Variants in USP54 observed in about 807,000 individuals in gnomAD.
The protein encoded by USP54 is ubiquitin specific peptidase 54, also known as ubiquitin carboxyl-terminal hydrolase 54.
USP54 carries 87 observed loss-of-function variants against 170.5 expected under a neutral mutation model. The ratio of observed to expected loss-of-function variants is 0.51; its 90% CI spans 0.43 to 0.61. The LOEUF is 0.61. USP54 is among the 20% of genes least tolerant of loss of function. The probability of loss-of-function intolerance (pLI) is 0.00; values close to 1 mark genes in which losing one functional copy is unlikely to be tolerated. For synonymous variants in USP54, 655 were observed against 742.8 expected (o/e 0.88, Z 1.92); for missense variants, 1,786 against 2,047.8 (o/e 0.87, Z 2.47).
chr10:73,586,480 GTC>G (rs1564925450), intron 1 of USP54, among the ~76,000 whole-genome samples: 1 of 152,076 alleles, frequency 6.6e-6, no homozygotes, highest in East Asian at 1.9e-4. Flanking sequence ...ACTACATTTT[GTC>G]TTAAGGGCAT....
chr10:73,607,567 GCGC>G (rs2079772185), intron 1 of USP54, among the ~76,000 whole-genome samples: 1 of 148,566 alleles, frequency 6.7e-6, no homozygotes, highest in Non-Finnish European at 1.5e-5. Flanking sequence ...ACGGTGGCTC[GCGC>G]CTGTAATCCC....
rs147785894 is a variant in USP54 at position 73,527,863 on chromosome 10, C to T, written c.2061-1083G>A. Among the ~76,000 whole-genome samples the T allele has an allele frequency of 9.4e-5, 13 of 138,104 alleles. No homozygotes were observed. The East Asian group carries it at 2.7e-3, about 28-fold the overall frequency. The allele number at this position is 138,104 out of a possible 152,430, so 90.6% of individuals were successfully genotyped here. A position where few individuals can be genotyped will look rare whatever the true frequency, so the allele number is the denominator to read the frequency against. On this transcript the variant is annotated intron_variant, in intron 15 of 23. Coordinates refer to ENST00000687698, the MANE Select transcript of USP54 (RefSeq NM_001391956.1). ...AAAAAAAAAAAAAAAAAAAAAGCAA[C>T]GACAACAAAACACTGTCCCAAAATA...
At chr10:73,577,325 T>C (rs187420847) in intron 1 of USP54, among the ~76,000 whole-genome samples, 4 of 152,346 alleles carry the variant, frequency 2.6e-5, no homozygotes, top group Admixed American at 2.0e-4. Context: ...GTCTACAGCA[T>C]GTCCAATGGA....
At chr10:73,533,322 T>C (rs965455060) in intron 12 of USP54, among the ~76,000 whole-genome samples, 2 of 151,782 alleles carry the variant, frequency 1.3e-5, no homozygotes, top group Admixed American at 1.3e-4. Flanking sequence ...AAAGGTGTTA[T>C]AATGCTATGT....
intron 20 of USP54, among the ~76,000 whole-genome samples, chr10:73,513,903 C>T (rs1228892977): frequency 2.0e-5 from 3 of 152,128 alleles, no homozygotes; most frequent in African/African-American, 7.2e-5. Flanking sequence ...CAACCTCCAC[C>T]TCCTGGGTTC....
chr10:73,620,553 C>A lies in USP54; in HGVS notation c.-18+5014G>T, dbSNP rs909097474. ...GGCCAGGCTGGTCTTGAACTCCTGG[C>A]CTCAAGCAATCCTCCTGCCTTAGCC... is the stretch of plus-strand genomic sequence containing the variant. On this transcript the variant is annotated intron_variant, in intron 1 of 22. Transcript: ENST00000339859. Among the ~76,000 whole-genome samples the A allele has an allele frequency of 2.4e-4, 36 of 147,272 alleles. 3 individuals carry two copies. Among genetic ancestry groups the A allele is most frequent in the African/African-American group, 9.5e-4 (36 of 37,914 alleles).
At chr10:73,544,426 T>G (rs1299115604) in intron 5 of USP54, among the ~76,000 whole-genome samples, 1 of 152,212 alleles carries the variant, frequency 6.6e-6, no homozygotes, top group Non-Finnish European at 1.5e-5. Flanking sequence ...TTGTTTCCAG[T>G]TTTTTACTAT....
chr10:73,502,470 G>A (rs1301579686), intron 22 of USP54, among the ~76,000 whole-genome samples: 3 of 152,102 alleles, frequency 2.0e-5, no homozygotes, highest in Non-Finnish European at 2.9e-5. Flanking sequence ...CCGCCACCGC[G>A]CCCAGCTAAT....
intron 3 of USP54, among the ~76,000 whole-genome samples, chr10:73,574,571 G>A (rs1257591956): frequency 1.3e-5 from 2 of 151,976 alleles, no homozygotes; most frequent in Non-Finnish European, 2.9e-5. Context: ...GAGGCTAGGA[G>A]TTCAAGACCA....
chr10:73,515,074 T>C (rs1385600451), intron 20 of USP54, among the ~76,000 whole-genome samples: 1 of 151,862 alleles, frequency 6.6e-6, no homozygotes, highest in African/African-American at 2.4e-5. Flanking sequence ...AATCAAATCT[T>C]ATATTTATGT....
chr10:73,544,552 T>C (rs1420607512), intron 5 of USP54, among the ~76,000 whole-genome samples: 1 of 152,222 alleles, frequency 6.6e-6, no homozygotes, highest in Non-Finnish European at 1.5e-5. Flanking sequence ...AGTTTACATG[T>C]CTAGCTTTTT....
At chr10:73,577,040 T>C (rs545685366) in intron 1 of USP54, among the ~76,000 whole-genome samples, 23 of 152,342 alleles carry the variant, frequency 1.5e-4, no homozygotes, top group African/African-American at 5.5e-4. Context: ...TGACCAACTT[T>C]AGTTTTCAAC....
chr10:73,575,300 C>T (rs1391317567), intron 3 of USP54, among the ~76,000 whole-genome samples: 3 of 152,166 alleles, frequency 2.0e-5, no homozygotes, highest in Non-Finnish European at 4.4e-5. Flanking sequence ...TTTCTCTTAT[C>T]ATTATTAATC....
At chr10:73,610,058 A>G (rs1263718889) in intron 1 of USP54, among the ~76,000 whole-genome samples, 2 of 151,620 alleles carry the variant, frequency 1.3e-5, no homozygotes, top group African/African-American at 4.8e-5. Context: ...CATGCCCGTA[A>G]TCCCAGCTAC....
At chr10:73,573,726 C>T (rs2075649762) in intron 3 of USP54, among the ~76,000 whole-genome samples, 1 of 152,170 alleles carries the variant, frequency 6.6e-6, no homozygotes, top group African/African-American at 2.4e-5. Context: ...GATCCCACCA[C>T]TGCACTCCAG....
At chr10:73,532,410 C>T (rs1178837599) in intron 12 of USP54, among the ~76,000 whole-genome samples, 4 of 152,064 alleles carry the variant, frequency 2.6e-5, no homozygotes, top group Admixed American at 6.6e-5. Context: ...CTCCTGACCT[C>T]GTGATCCACC....
chr10:73,542,679 C>T lies in USP54; in HGVS notation c.572+124G>A, dbSNP rs200671428. The T allele has an allele frequency of 4.5e-5, 41 of 920,642 alleles. No individual in the cohort carries two copies. In the East Asian group the frequency reaches 9.4e-4, roughly 21 times the overall value. The allele number at this position is 920,642 out of a possible 1,614,324, so 57.0% of individuals were successfully genotyped here. Reference sequence around the variant, plus strand: ...CCAGGAGGCGGAGGTTGCAGTAAGCCGAGATTGTGCCACTGCACTGCAGCC... The same window carrying T: ...CCAGGAGGCGGAGGTTGCAGTAAGCTGAGATTGTGCCACTGCACTGCAGCC... On this transcript the variant is annotated intron_variant, in intron 7 of 23. Coordinates refer to ENST00000687698, the MANE Select transcript of USP54 (RefSeq NM_001391956.1).
chr10:73,617,364 G>C (rs1331651693), intron 1 of USP54, among the ~76,000 whole-genome samples: 1 of 139,478 alleles, frequency 7.2e-6, no homozygotes, highest in Non-Finnish European at 1.6e-5. Flanking sequence ...GCTGAGGTGG[G>C]AGAATCACTT....
intron 1 of USP54, among the ~76,000 whole-genome samples, chr10:73,599,036 G>A (rs1413149684): frequency 1.3e-5 from 2 of 152,108 alleles, no homozygotes; most frequent in Admixed American, 6.5e-5. Flanking sequence ...CCGAGATCAC[G>A]CCACTGCATT....
Sources: allele counts gnomAD v4.1 joint callset (sites outside exome capture counted in the v4.1 genomes callset), GRCh38; gene constraint gnomAD v4.1.1; transcripts MANE v1.5; gene names NCBI Gene and HGNC (gene_info 2026-07-23, HGNC 2026-07-21).